Variants in SPAG16 observed in about 807,000 individuals in gnomAD.
SPAG16 encodes the protein sperm associated antigen 16, also known as sperm-associated antigen 16 protein.
Under a neutral mutation model 80.4 loss-of-function variants are expected in SPAG16, and 86 were observed. The ratio of observed to expected loss-of-function variants is 1.07; its 90% confidence interval spans 0.90 to 1.28. The LOEUF (loss-of-function observed/expected upper bound fraction) is 1.28. Among genes scored for constraint, SPAG16 ranks in the 50% most tolerant of loss-of-function variants. SPAG16 has a pLI of 0.00. For synonymous variants in SPAG16, 294 were observed against 265.9 expected, an observed-to-expected ratio of 1.11 and a Z score of -1.03; for missense variants, 870 against 765.3, an observed-to-expected ratio of 1.14 and a Z score of -1.61.
rs1314640627 is a variant in SPAG16, at chr2:214,296,967, T to G, written c.1721-113173T>G. Among the ~76,000 whole-genome samples, 6 of 152,138 alleles carry G rather than the reference T, an allele frequency of 3.9e-5. No homozygotes were observed. The East Asian group carries it at 1.2e-3, about 29-fold the overall frequency. On this transcript the variant is annotated intron_variant, in intron 15 of 15. Coordinates refer to ENST00000331683, the MANE Select transcript of SPAG16 (RefSeq NM_024532.5). ...CTCTGTCACCATGTGGCATGCTGGC[T>G]CCCCTTCACTTTCTGCCATGATTGT...
chr2:214,040,464 G>A (rs147456748), intron 13 of SPAG16, among the ~76,000 whole-genome samples: 19 of 152,028 alleles, frequency 1.2e-4, no homozygotes, highest in East Asian at 5.8e-4. Flanking sequence ...CAAAATCCCC[G>A]GTGTGTATTG....
chr2:213,291,304 G>A (rs901354820), intron 1 of SPAG16, among the ~76,000 whole-genome samples: 5 of 152,142 alleles, frequency 3.3e-5, no homozygotes, highest in Admixed American at 3.3e-4. Context: ...TGTCCCTACT[G>A]CCAGCTAGCT....
intron 15 of SPAG16, among the ~76,000 whole-genome samples, chr2:214,172,931 C>T (rs1559103631): frequency 2.0e-5 from 3 of 152,120 alleles, no homozygotes; most frequent in Non-Finnish European, 4.4e-5. Flanking sequence ...GTCCCTTGCC[C>T]ACTGTTGGAT....
At chr2:214,319,696 T>A (rs1215175743) in intron 15 of SPAG16, among the ~76,000 whole-genome samples, 1 of 152,132 alleles carries the variant, frequency 6.6e-6, no homozygotes, top group African/African-American at 2.4e-5. Flanking sequence ...AAGAAAAAGA[T>A]GGCATTCTTC....
intron 13 of SPAG16, among the ~76,000 whole-genome samples, chr2:214,050,119 A>G (rs991298347): frequency 6.6e-6 from 1 of 152,008 alleles, no homozygotes; most frequent in Non-Finnish European, 1.5e-5. Context: ...AGCTCCTCTT[A>G]GTGGGAAGAG....
At position 213,809,428 on chromosome 2, in the gene SPAG16, C is replaced by T. The variant is rs146175507; in HGVS notation, c.1071-53057C>T. On this transcript the variant is annotated intron_variant, in intron 10 of 15. Coordinates refer to ENST00000331683, the MANE Select transcript of SPAG16 (RefSeq NM_024532.5). ...CATTGTCCATGCAACCCACAGGAAA[C>T]ATCTAAGGTCATTTTTAGATATTTC... Among the ~76,000 whole-genome samples the T allele has an allele frequency of 3.9e-3, 587 of 152,230 alleles. 2 individuals carry two copies. Among genetic ancestry groups the T allele is most frequent in the Non-Finnish European group, 6.4e-3 (433 of 68,008 alleles).
intron 10 of SPAG16, among the ~76,000 whole-genome samples, chr2:213,776,455 G>C (rs1389330632): frequency 6.6e-6 from 1 of 152,164 alleles, no homozygotes; most frequent in East Asian, 1.9e-4. Context: ...TTTAAGTTCA[G>C]TGAGACCCAT....
At chr2:213,486,419 G>T (rs2073975760) in intron 9 of SPAG16, among the ~76,000 whole-genome samples, 1 of 151,978 alleles carries the variant, frequency 6.6e-6, no homozygotes, top group African/African-American at 2.4e-5. Context: ...CTGAAATATG[G>T]AATCAACCTA....
rs1387253372 is a variant in SPAG16, at chr2:213,615,801, G to C, written c.1070+125711G>C. On this transcript the variant is annotated intron_variant, in intron 10 of 15. Transcript: ENST00000331683. ...AATGCAGGACCAGCCTATAACTGTA[G>C]CTAATAGCATATATATATTATGTTA... 2.0e-5 allele frequency among the ~76,000 whole-genome samples: 3 copies of C among 152,046 alleles called. No homozygotes were observed. In the East Asian group the frequency reaches 5.8e-4, roughly 29 times the overall value.
intron 10 of SPAG16, among the ~76,000 whole-genome samples, chr2:213,745,271 T>C (rs1365188474): frequency 1.3e-5 from 2 of 152,100 alleles, no homozygotes; most frequent in African/African-American, 4.8e-5. Context: ...AGATGAAGTT[T>C]TGTTCTTGTT....
intron 9 of SPAG16, among the ~76,000 whole-genome samples, chr2:213,482,990 G>A (rs1187114509): frequency 8.6e-5 from 13 of 152,004 alleles, no homozygotes; most frequent in Admixed American, 8.5e-4. Flanking sequence ...ATATTATAAA[G>A]TAAAAAGCAT....
chr2:214,059,210 A>ATGTG (rs1306215210), intron 13 of SPAG16, among the ~76,000 whole-genome samples: 841 of 82,236 alleles, frequency 0.01, 10 homozygotes, highest in African/African-American at 0.035. Flanking sequence ...ATATATATAT[A>ATGTG]TATATGTATG....
At chr2:213,951,644 G>A (rs1413918651) in intron 12 of SPAG16, among the ~76,000 whole-genome samples, 1 of 151,952 alleles carries the variant, frequency 6.6e-6, no homozygotes, top group Non-Finnish European at 1.5e-5. Flanking sequence ...CAGTTTACAA[G>A]GATAAACAAA....
At chr2:213,870,585 A>G (rs1034005453) in intron 11 of SPAG16, among the ~76,000 whole-genome samples, 3 of 152,170 alleles carry the variant, frequency 2.0e-5, no homozygotes, top group Admixed American at 2.0e-4. Flanking sequence ...CCAGCACCTC[A>G]GTTGCTCATT....
chr2:213,329,960 A>G (rs2064016107), intron 5 of SPAG16, among the ~76,000 whole-genome samples: 1 of 152,218 alleles, frequency 6.6e-6, no homozygotes. Context: ...TCGAAACCCA[A>G]AGCCTTGGCA....
At chr2:214,389,592 G>A (rs1700951366) in intron 15 of SPAG16, among the ~76,000 whole-genome samples, 1 of 152,158 alleles carries the variant, frequency 6.6e-6, no homozygotes, top group African/African-American at 2.4e-5. Context: ...CAGGGCAGTG[G>A]GTATGACAAA....
At chr2:213,874,429 T>C (rs1309922255) in intron 11 of SPAG16, among the ~76,000 whole-genome samples, 2 of 152,138 alleles carry the variant, frequency 1.3e-5, no homozygotes, top group African/African-American at 4.8e-5. Flanking sequence ...AACTTTTTGT[T>C]AAACACAAAG....
chr2:213,685,411 C>T (rs191992622), intron 10 of SPAG16, among the ~76,000 whole-genome samples: 1 of 152,304 alleles, frequency 6.6e-6, no homozygotes, highest in East Asian at 1.9e-4. Flanking sequence ...TACCAGAAGC[C>T]AGGAAAGAGG....
chr2:213,892,941 G>C (rs778649526), intron 11 of SPAG16, among the ~76,000 whole-genome samples: 3 of 152,070 alleles, frequency 2.0e-5, no homozygotes, highest in African/African-American at 7.2e-5. Context: ...ATGCATGTAA[G>C]TTACATCCAA....
Sources: allele counts gnomAD v4.1 joint callset (sites outside exome capture counted in the v4.1 genomes callset), GRCh38; gene constraint gnomAD v4.1.1; transcripts MANE v1.5; gene names NCBI Gene and HGNC (gene_info 2026-07-23, HGNC 2026-07-21).